Variants in EYA1 observed in about 807,000 individuals in gnomAD.
EYA1 encodes the protein protein phosphatase EYA1.
In EYA1, 16 loss-of-function variants were observed where a neutral mutation model predicts 82.0. The observed-to-expected ratio is 0.20, with a 90% CI of 0.13 to 0.30. The LOEUF (loss-of-function observed/expected upper bound fraction) is 0.30. Among genes scored for constraint, EYA1 ranks in the 10% least tolerant of loss-of-function variants. The probability of loss-of-function intolerance (pLI) is 1.00; values close to 1 mark genes in which losing one functional copy is unlikely to be tolerated. For synonymous variants in EYA1, 261 were observed against 264.4 expected (o/e 0.99, Z 0.12); for missense variants, 633 against 730.7 (o/e 0.87, Z 1.54).
At chr8:71,422,214 G>C (rs141867512) in intron 2 of EYA1, among the ~76,000 whole-genome samples, 1 of 152,214 alleles carries the variant, frequency 6.6e-6, no homozygotes, top group East Asian at 1.9e-4. Flanking sequence ...GTCTTGTTTT[G>C]TTATACAGAG....
chr8:71,411,990 A>C (rs951627203), intron 2 of EYA1, among the ~76,000 whole-genome samples: 12 of 151,992 alleles, frequency 7.9e-5, no homozygotes, highest in African/African-American at 2.9e-4. Context: ...AAATGTCCAA[A>C]AACGATAGAC....
intron 2 of EYA1, among the ~76,000 whole-genome samples, chr8:71,375,255 A>T (rs1329510930): frequency 6.9e-6 from 1 of 144,064 alleles, no homozygotes; most frequent in African/African-American, 2.7e-5. Flanking sequence ...CATATTGTAC[A>T]TCTTAAATAT....
At chr8:71,512,123 C>T (rs1812643408) in intron 2 of EYA1, among the ~76,000 whole-genome samples, 1 of 152,130 alleles carries the variant, frequency 6.6e-6, no homozygotes, top group Non-Finnish European at 1.5e-5. Context: ...CTAAGCATTC[C>T]TACTAAATGA....
chr8:71,455,845 A>G (rs985199526), intron 2 of EYA1, among the ~76,000 whole-genome samples: 2 of 152,180 alleles, frequency 1.3e-5, no homozygotes, highest in Admixed American at 1.3e-4. Flanking sequence ...GAAAACTGGC[A>G]CAAGACAGGG....
At chr8:71,252,849 G>A (rs1813914776) in intron 11 of EYA1, among the ~76,000 whole-genome samples, 1 of 152,112 alleles carries the variant, frequency 6.6e-6, no homozygotes, top group Non-Finnish European at 1.5e-5. Context: ...ATACCTTTCT[G>A]CTTATACCAT....
chr8:71,335,798 A>C (rs937925415), intron 3 of EYA1, among the ~76,000 whole-genome samples: 4 of 150,566 alleles, frequency 2.7e-5, no homozygotes, highest in East Asian at 1.9e-4. Flanking sequence ...CCTCCTTAAA[A>C]ACACACACAC....
chr8:71,225,272 C>T (rs896854278), intron 12 of EYA1: 3 of 456,148 alleles, frequency 6.6e-6, no homozygotes, highest in Middle Eastern at 3.2e-4. Flanking sequence ...CCCAGCTTCA[C>T]CAGCATCATG....
chr8:71,456,209 A>T (rs962576837), intron 2 of EYA1, among the ~76,000 whole-genome samples: 10 of 152,212 alleles, frequency 6.6e-5, no homozygotes, highest in African/African-American at 2.4e-4. Context: ...AGGGATGTGA[A>T]GGACCTCTTC....
intron 2 of EYA1, among the ~76,000 whole-genome samples, chr8:71,466,222 G>A (rs1808760405): frequency 6.6e-6 from 1 of 152,090 alleles, no homozygotes. Flanking sequence ...CAATTTCTGG[G>A]CAACATGGTA....
At position 71,199,262 on chromosome 8, in the gene EYA1, C is replaced by T; in HGVS notation, c.*78G>A. The T allele has an allele frequency of 1.7e-5, 18 of 1,063,452 alleles. No homozygotes were observed. Among genetic ancestry groups the T allele is most frequent in the African/African-American group, 3.1e-5 (2 of 63,926 alleles). The allele number at this position is 1,063,452 out of a possible 1,614,324, so 65.9% of individuals were successfully genotyped here. ...GAAATTGCTAAGTTCTGGAGGCCGG[C>T]GCTGATGCGAGACTGGGGCCTGCTG... is the stretch of plus-strand genomic sequence containing the variant. On this transcript the variant is annotated 3_prime_UTR_variant, in exon 18 of 18. Transcript: ENST00000340726.
chr8:71,277,050 T>C (rs1464373097), intron 9 of EYA1, among the ~76,000 whole-genome samples: 5 of 151,490 alleles, frequency 3.3e-5, no homozygotes, highest in African/African-American at 1.2e-4. Context: ...CATAGTCTAC[T>C]TCAGATAGAC....
At chr8:71,211,409 T>C (rs1487585411) in intron 16 of EYA1, among the ~76,000 whole-genome samples, 153 bp from the exon 17 acceptor site, 4 of 152,256 alleles carry the variant, frequency 2.6e-5, no homozygotes, top group Non-Finnish European at 5.9e-5. Context: ...ACTTGGGTTG[T>C]ATGTGCCACA....
chr8:71,341,013 C>T (rs1160873789), intron 3 of EYA1, among the ~76,000 whole-genome samples: 1 of 152,186 alleles, frequency 6.6e-6, no homozygotes, highest in African/African-American at 2.4e-5. Context: ...TACTGATATG[C>T]AGGCTTTGCA....
intron 3 of EYA1, among the ~76,000 whole-genome samples, 199 bp downstream of exon 3, chr8:71,354,583 A>G (rs554301211): frequency 1.1e-4 from 17 of 152,340 alleles, no homozygotes; most frequent in African/African-American, 3.8e-4. Flanking sequence ...AACGAAACCA[A>G]TCTACGCAAT....
intron 2 of EYA1, among the ~76,000 whole-genome samples, chr8:71,408,776 G>A (rs372026738): frequency 1.4e-5 from 2 of 140,348 alleles, no homozygotes; most frequent in Admixed American, 1.4e-4. Flanking sequence ...TAATAATGGG[G>A]GACTTTAACA....
intron 2 of EYA1, among the ~76,000 whole-genome samples, chr8:71,452,901 G>A (rs111843347): frequency 0.067 from 10,230 of 152,226 alleles, 1,173 homozygotes; most frequent in African/African-American, 0.23. Flanking sequence ...TGCCAGCAAC[G>A]GAACAAAGCT....
At chr8:71,501,013 T>C (rs1324899325) in intron 2 of EYA1, among the ~76,000 whole-genome samples, 1 of 152,204 alleles carries the variant, frequency 6.6e-6, no homozygotes, top group Non-Finnish European at 1.5e-5. Flanking sequence ...CAATTTATGA[T>C]AACTTGGTGT....
intron 1 of EYA1, among the ~76,000 whole-genome samples, chr8:71,361,321 T>A (rs922202035): frequency 3.9e-5 from 6 of 152,242 alleles, no homozygotes; most frequent in Non-Finnish European, 1.5e-5. Flanking sequence ...AGAAAAGAGA[T>A]ATGAAGTCAT....
At chr8:71,492,728 G>A (rs1235606888) in intron 2 of EYA1, among the ~76,000 whole-genome samples, 3 of 152,206 alleles carry the variant, frequency 2.0e-5, no homozygotes, top group Non-Finnish European at 4.4e-5. Context: ...ACCTCCCAAA[G>A]TGCTGGGATT....
Sources: gnomAD v4.1 joint callset for allele counts (sites outside exome capture counted in the v4.1 genomes callset) on GRCh38, gnomAD v4.1.1 for gene constraint, MANE v1.5 for transcripts, NCBI Gene and HGNC (gene_info 2026-07-23, HGNC 2026-07-21) for gene names.